Variants in ZNF710 observed in about 807,000 individuals in gnomAD.
The protein encoded by ZNF710 is zinc finger protein 710.
Under a neutral mutation model 50.6 loss-of-function variants are expected in ZNF710, and 13 were observed. The observed-to-expected ratio is 0.26, with a 90% CI of 0.17 to 0.41. The LOEUF is 0.41. Among genes scored for constraint, ZNF710 ranks in the 10% least tolerant of loss-of-function variants. ZNF710 has a pLI of 1.00. For synonymous variants in ZNF710, 383 were observed against 397.0 expected (o/e 0.96, Z 0.42); for missense variants, 721 against 936.6 (o/e 0.77, Z 3.01).
chr15:89,998,897 G>T (rs1407204823), upstream of ZNF710, among the ~76,000 whole-genome samples: 1 of 152,306 alleles, frequency 6.6e-6, no homozygotes, highest in South Asian at 2.1e-4. Flanking sequence ...GTTATTCACT[G>T]AAGTTATGTT....
chr15:90,008,439 T>TATATACACACAC (rs1898200991), intron 1 of ZNF710, among the ~76,000 whole-genome samples: 1 of 140,140 alleles, frequency 7.1e-6, no homozygotes, highest in African/African-American at 2.9e-5. Flanking sequence ...TATATATATA[T>TATATACACACAC]ACATATATAT....
intron 1 of ZNF710, among the ~76,000 whole-genome samples, chr15:90,058,971 G>T (rs1467802870): frequency 1.3e-5 from 2 of 152,142 alleles, no homozygotes; most frequent in African/African-American, 4.8e-5. Flanking sequence ...TCAACCGATT[G>T]TAAATGTGAG....
In ZNF710 at chr15:90,067,314, C is replaced by T. The variant is rs79991946; in HGVS notation, c.177C>T (p.Pro59=). ...TTTCAGGGGCAGCCATGGGAGAGCC[C>T]GAGCCACCAGGCCCCGACGTCTACC... ...PELSGAAMGE[P]EPPGPDVYQL... The change falls in exon 2 of 5, where the codon CCC becomes CCT. Residue 59 remains proline (P), a synonymous_variant. Coordinates refer to ENST00000268154, the MANE Select transcript of ZNF710 (RefSeq NM_198526.4). The surrounding 1 kb of genome is among the most constrained non-coding windows in gnomAD (Gnocchi z 8.1). 1,505 of 1,608,004 alleles carry T rather than the reference C, an allele frequency of 9.4e-4. 12 individuals are homozygous for T. In the African/African-American group the frequency reaches 0.017, roughly 19 times the overall value.
At chr15:90,023,025 G>A (rs906704968) in intron 1 of ZNF710, among the ~76,000 whole-genome samples, 1 of 152,136 alleles carries the variant, frequency 6.6e-6, no homozygotes, top group African/African-American at 2.4e-5. Flanking sequence ...GCTATAGGCC[G>A]GACACTGATC....
At chr15:90,042,305 A>C (rs1899321210) in intron 1 of ZNF710, among the ~76,000 whole-genome samples, 1 of 152,028 alleles carries the variant, frequency 6.6e-6, no homozygotes, top group Non-Finnish European at 1.5e-5. Context: ...TTTCCAGATA[A>C]AGATGGAAAG....
At chr15:90,073,588 TG>T (rs1900470756) in intron 3 of ZNF710, among the ~76,000 whole-genome samples, 1 of 151,676 alleles carries the variant, frequency 6.6e-6, no homozygotes, top group Non-Finnish European at 1.5e-5. Context: ...TCAGAGAAAG[TG>T]GGGCAGACTC....
rs28652724 is a variant in ZNF710, at chr15:90,036,696, A to T, written c.-28-30414A>T. Among the ~76,000 whole-genome samples the T allele has an allele frequency of 6.9e-3, 1,044 of 152,270 alleles. 7 individuals carry two copies. Among genetic ancestry groups the T allele is most frequent in the African/African-American group, 0.023 (959 of 41,544 alleles). Reference sequence around the variant, plus strand: ...GTGGGGCAGGGCATGGGAAAGGGTTAAATAGATAAGCCCAAGACACAGTCC... The same window carrying T: ...GTGGGGCAGGGCATGGGAAAGGGTTTAATAGATAAGCCCAAGACACAGTCC... On this transcript the variant is annotated intron_variant, in intron 1 of 4. Coordinates refer to ENST00000268154, the MANE Select transcript of ZNF710 (RefSeq NM_198526.4).
Position 90,033,367 on chromosome 15 carries a change from A to G in ZNF710, c.-29+31753A>G, listed in dbSNP as rs1899004162. Among the ~76,000 whole-genome samples, 8 of 152,192 alleles carry G rather than the reference A, an allele frequency of 5.3e-5. No homozygotes were observed. The South Asian group carries it at 1.7e-3, about 32-fold the overall frequency. ...GATGTTAAAGGTGGGGAAAGTTTGC[A>G]GCGGGAGGTGTGCTTTTTAAGCTTA... On this transcript the variant is annotated intron_variant, in intron 1 of 4. Transcript: ENST00000268154.
chr15:90,066,619 G>T (rs1900177900), intron 1 of ZNF710, among the ~76,000 whole-genome samples: 1 of 151,786 alleles, frequency 6.6e-6, no homozygotes, highest in African/African-American at 2.4e-5. Context: ...GGGATTACAG[G>T]TGCCGGCCAC....
At chr15:90,016,535 GGGC>G (rs1443436908) in intron 1 of ZNF710, among the ~76,000 whole-genome samples, 1 of 152,110 alleles carries the variant, frequency 6.6e-6, no homozygotes, top group East Asian at 1.9e-4. Flanking sequence ...TCAAACTCCT[GGGC>G]TCAAGTGATC....
intron 1 of ZNF710, among the ~76,000 whole-genome samples, chr15:90,031,862 C>T (rs2151485458): frequency 6.6e-6 from 1 of 152,330 alleles, no homozygotes; most frequent in Middle Eastern, 3.4e-3. Flanking sequence ...CAGCTTGGGC[C>T]AGCTATGAAC....
chr15:90,069,910 G>T (rs1480826904), intron 2 of ZNF710, among the ~76,000 whole-genome samples: 1 of 152,098 alleles, frequency 6.6e-6, no homozygotes, highest in Non-Finnish European at 1.5e-5. Flanking sequence ...GGTGGAATGA[G>T]GCCCCTTGGG....
At position 90,074,005 on chromosome 15, in the gene ZNF710, A is replaced by C. The variant is rs1259419163; in HGVS notation, c.1651-111A>C. 3.1e-5 allele frequency: 38 copies of C among 1,224,270 alleles called. 1 individual carries two copies. Among genetic ancestry groups the C allele is most frequent in the African/African-American group, 2.0e-4 (12 of 59,784 alleles). 75.8% of individuals were successfully genotyped at this position (1,224,270 alleles called of 1,614,324 possible). On this transcript the variant is annotated intron_variant, in intron 3 of 4. Transcript: ENST00000268154. ...AGTCTGTCTCAAAAAAAAAACAAAA[A>C]AAAAAAACAAAAGAATAGGATTCTG...
chr15:90,067,002 C>G lies in ZNF710; in HGVS notation c.-28-108C>G. ...CCAAGGCCAGGAGTAGAAAAGACAT[C>G]AGAGCCAGACACACCCAAAATCAGC... On this transcript the variant is annotated intron_variant, in intron 1 of 4. Transcript: ENST00000268154. The surrounding 1 kb of genome is among the most constrained non-coding windows in gnomAD (Gnocchi z 8.1). The G allele has an allele frequency of 7.9e-7, 1 of 1,261,548 alleles. No individual in the cohort carries two copies. Among genetic ancestry groups the G allele is most frequent in the South Asian group, 1.6e-5 (1 of 61,072 alleles). The allele number at this position is 1,261,548 out of a possible 1,614,324, so 78.1% of individuals were successfully genotyped here.
At chr15:90,073,989 CAAAAAAAAAACA>C (rs1414335416) in intron 3 of ZNF710, 115 bp from the exon 4 acceptor site, 4 of 704,554 alleles carry the variant, frequency 5.7e-6, no homozygotes, top group East Asian at 4.9e-5. Context: ...GAGTCTGTCT[CAAAAAAAAAACA>C]AAAAAAAAAA....
At chr15:90,022,017 GGTT>G (rs994248906) in intron 1 of ZNF710, among the ~76,000 whole-genome samples, 3 of 152,130 alleles carry the variant, frequency 2.0e-5, no homozygotes, top group African/African-American at 7.2e-5. Flanking sequence ...GGGAGGCAGA[GGTT>G]GCAGTGAGCT....
chr15:90,053,475 G>T (rs1899710502), intron 1 of ZNF710, among the ~76,000 whole-genome samples: 1 of 151,904 alleles, frequency 6.6e-6, no homozygotes. Flanking sequence ...AGCCCCCCAA[G>T]TAGCTGGTAC....
chr15:90,046,569 G>A (rs72758611), intron 1 of ZNF710, among the ~76,000 whole-genome samples: 3,634 of 152,246 alleles, frequency 0.024, 67 homozygotes, highest in Non-Finnish European at 0.034. Context: ...ACACCCAGAC[G>A]GGTGGGGACA....
chr15:90,075,218 G>A (rs1900554092), intron 4 of ZNF710: 1 of 152,350 alleles, frequency 6.6e-6, no homozygotes, highest in Admixed American at 6.5e-5. Flanking sequence ...TTCTACAGTT[G>A]GGAGCTATTT....
Sources: allele counts gnomAD v4.1 joint callset (sites outside exome capture counted in the v4.1 genomes callset), GRCh38; gene constraint gnomAD v4.1.1; non-coding constraint Gnocchi (gnomAD v3.1); transcripts MANE v1.5; gene names NCBI Gene and HGNC (gene_info 2026-07-23, HGNC 2026-07-21).